The following CFAP58 variants were observed in gnomAD, a reference collection of about 807,000 sequenced individuals.
CFAP58 encodes cilia- and flagella-associated protein 58.
In CFAP58, 88 loss-of-function variants were observed where a neutral mutation model predicts 119.5. The ratio of observed to expected loss-of-function variants is 0.74; its 90% CI spans 0.62 to 0.88. The LOEUF (loss-of-function observed/expected upper bound fraction) is 0.88. Ranked by LOEUF, CFAP58 falls within the 40% of genes least tolerant of loss-of-function variation. The pLI, the probability that CFAP58 is intolerant of heterozygous loss-of-function variation, is 0.00. For synonymous variants in CFAP58, 365 were observed against 366.3 expected, an observed-to-expected ratio of 1.00 and a Z score of 0.04; for missense variants, 990 against 1,021.2, an observed-to-expected ratio of 0.97 and a Z score of 0.42.
the CFAP58 span, among the ~76,000 whole-genome samples, chr10:104,341,069 A>G: frequency 1.4e-3 from 214 of 152,302 alleles, 1 homozygote; most frequent in African/African-American, 4.7e-3. Context: ...AGGGAATCCT[A>G]ATGTCAAGAA....
intron 9 of CFAP58, among the ~76,000 whole-genome samples, chr10:104,383,001 G>A (rs1328096170): frequency 6.6e-6 from 1 of 152,150 alleles, no homozygotes; most frequent in Non-Finnish European, 1.5e-5. Flanking sequence ...GGTCCCACCT[G>A]GCCATCCTGT....
chr10:104,440,656 G>A (rs532880268), intron 15 of CFAP58, among the ~76,000 whole-genome samples: 15 of 152,012 alleles, frequency 9.9e-5, no homozygotes, highest in Non-Finnish European at 2.2e-4. Flanking sequence ...ATTTCTCCAC[G>A]GTATTCAGAT....
At chr10:104,353,605 GGGCACCGCCCCCTCACTTCCTT>G, upstream of CFAP58, 1 of 445,878 alleles carries the variant, frequency 2.2e-6, no homozygotes, top group Non-Finnish European at 4.1e-6. Context: ...AGCCTCTCAG[GGGCACCGCCCCCTCACTTCCTT>G]GGCTCCGCCC....
intron 10 of CFAP58, among the ~76,000 whole-genome samples, chr10:104,392,798 C>T (rs890308993): frequency 6.6e-6 from 1 of 151,980 alleles, no homozygotes; most frequent in Non-Finnish European, 1.5e-5. Context: ...TGCCACCATG[C>T]CTGGCTAATT....
chr10:104,384,699 A>G (rs10491047), intron 9 of CFAP58, among the ~76,000 whole-genome samples: 23,765 of 152,278 alleles, frequency 0.16, 2,079 homozygotes, highest in Middle Eastern at 0.32. Context: ...TCCTTCAAAG[A>G]TTGTAAGTAC....
At chr10:104,348,205 C>A in the CFAP58 span, among the ~76,000 whole-genome samples, 3 of 152,136 alleles carry the variant, frequency 2.0e-5, no homozygotes, top group East Asian at 3.9e-4. Flanking sequence ...CAGACACCCC[C>A]AAAATAGCCT....
chr10:104,372,375 AG>A (rs780661785), intron 7 of CFAP58, among the ~76,000 whole-genome samples: 3 of 152,156 alleles, frequency 2.0e-5, no homozygotes, highest in Non-Finnish European at 4.4e-5. Context: ...AGAAAAAGAG[AG>A]AGAAAAAAAA....
chr10:104,395,495 G>T (rs1162549294), intron 11 of CFAP58, among the ~76,000 whole-genome samples: 1 of 152,166 alleles, frequency 6.6e-6, no homozygotes, highest in Non-Finnish European at 1.5e-5. Context: ...AGAGAGAGAG[G>T]CCTGCCTGAT....
chr10:104,410,833 C>T (rs2012448340), intron 15 of CFAP58, among the ~76,000 whole-genome samples: 2 of 152,046 alleles, frequency 1.3e-5, no homozygotes, highest in South Asian at 2.1e-4. Context: ...ATTAGAAGTA[C>T]GTTGGGTTTT....
chr10:104,347,117 C>T, the CFAP58 span, among the ~76,000 whole-genome samples: 1 of 152,086 alleles, frequency 6.6e-6, no homozygotes, highest in Admixed American at 6.5e-5. Flanking sequence ...TGCTTTTAAG[C>T]CAATAAAATT....
At chr10:104,435,217 C>G (rs1250333647) in intron 15 of CFAP58, among the ~76,000 whole-genome samples, 1 of 152,216 alleles carries the variant, frequency 6.6e-6, no homozygotes, top group East Asian at 1.9e-4. Context: ...CATGTTGGCT[C>G]AAGGCTGTAA....
chr10:104,432,695 G>GT (rs1272044064), intron 15 of CFAP58, among the ~76,000 whole-genome samples: 1 of 152,122 alleles, frequency 6.6e-6, no homozygotes, highest in Non-Finnish European at 1.5e-5. Flanking sequence ...TAGAGATGGG[G>GT]TTTTACCATG....
chr10:104,341,541 T>TA, the CFAP58 span, among the ~76,000 whole-genome samples: 1 of 151,740 alleles, frequency 6.6e-6, no homozygotes, highest in East Asian at 1.9e-4. Context: ...CATTTACATA[T>TA]AAAAAACCTC....
upstream of CFAP58, among the ~76,000 whole-genome samples, chr10:104,349,261 C>CCAAAACAAAACAAAACAAAACAAAA (rs200006936): frequency 6.6e-6 from 1 of 152,098 alleles, no homozygotes; most frequent in African/African-American, 2.4e-5. Flanking sequence ...CGCCTCCACA[C>CCAAAACAAAACAAAACAAAACAAAA]CAAAACAAAA....
intron 15 of CFAP58, among the ~76,000 whole-genome samples, chr10:104,430,898 TA>T (rs1228773256): frequency 6.6e-6 from 1 of 152,250 alleles, no homozygotes; most frequent in Non-Finnish European, 1.5e-5. Flanking sequence ...TGATATTTTA[TA>T]TTTTTTGTAC....
chr10:104,453,761 AGTGT>A (rs56666132), intron 17 of CFAP58, among the ~76,000 whole-genome samples: 7,647 of 138,822 alleles, frequency 0.055, 217 homozygotes, highest in Middle Eastern at 0.12. Flanking sequence ...CATGAATATG[AGTGT>A]GTGTGTGTGT....
the CFAP58 span, among the ~76,000 whole-genome samples, chr10:104,340,892 G>C: frequency 6.6e-6 from 1 of 152,108 alleles, no homozygotes; most frequent in African/African-American, 2.4e-5. Flanking sequence ...AGTAAGAGGA[G>C]GATAGAAAAA....
chr10:104,364,335 G>A (rs1258861216), intron 3 of CFAP58, among the ~76,000 whole-genome samples: 3 of 151,810 alleles, frequency 2.0e-5, no homozygotes, highest in African/African-American at 7.3e-5. Flanking sequence ...ATACAGAGGT[G>A]TGGAAAGTAT....
intron 15 of CFAP58, among the ~76,000 whole-genome samples, chr10:104,407,061 T>C (rs2133051250): frequency 6.6e-6 from 1 of 152,368 alleles, no homozygotes; most frequent in East Asian, 1.9e-4. Context: ...CCCACTTCTC[T>C]ACAGTTTTAT....
Sources: allele counts gnomAD v4.1 joint callset (sites outside exome capture counted in the v4.1 genomes callset), GRCh38; gene constraint gnomAD v4.1.1; transcripts MANE v1.5; gene names NCBI Gene and HGNC (gene_info 2026-07-23, HGNC 2026-07-21).